UNC13B: variants seen among roughly 807,000 people sequenced by gnomAD.
UNC13B encodes the protein protein unc-13 homolog B.
UNC13B carries 144 observed loss-of-function variants against 211.0 expected under a neutral mutation model. That is an observed-to-expected ratio of 0.68 (90% CI 0.60 to 0.78). UNC13B has a LOEUF of 0.78. Among genes scored for constraint, UNC13B ranks in the 30% least tolerant of loss-of-function variants. The probability of loss-of-function intolerance (pLI) is 0.00; values close to 1 mark genes in which losing one functional copy is unlikely to be tolerated. For synonymous variants in UNC13B, 709 were observed against 725.8 expected, an observed-to-expected ratio of 0.98 and a Z score of 0.37; for missense variants, 1,777 against 2,002.0, an observed-to-expected ratio of 0.89 and a Z score of 2.14.
At chr9:35,224,614 G>A (rs951961943) in intron 1 of UNC13B, among the ~76,000 whole-genome samples, 2 of 152,092 alleles carry the variant, frequency 1.3e-5, no homozygotes, top group African/African-American at 4.8e-5. Flanking sequence ...CAGTGTGGTT[G>A]CCTTGGATTT....
intron 11 of UNC13B, among the ~76,000 whole-genome samples, chr9:35,339,062 T>C (rs1831830849): frequency 6.6e-6 from 1 of 152,210 alleles, no homozygotes; most frequent in Admixed American, 6.5e-5. Flanking sequence ...CCCACAACTC[T>C]GCGTGAGTGT....
intron 12 of UNC13B, among the ~76,000 whole-genome samples, chr9:35,368,811 G>GT (rs1274757152): frequency 6.8e-6 from 1 of 146,618 alleles, no homozygotes; most frequent in African/African-American, 2.5e-5. Flanking sequence ...GATCATTTAT[G>GT]TTTAAAAAAA....
chr9:35,249,016 T>TGGG (rs1826284933), intron 6 of UNC13B, among the ~76,000 whole-genome samples: 1 of 152,240 alleles, frequency 6.6e-6, no homozygotes, highest in Non-Finnish European at 1.5e-5. Flanking sequence ...CTCTAAGGAC[T>TGGG]TGCTTTATGA....
chr9:35,292,702 A>C (rs1829156788), intron 7 of UNC13B, among the ~76,000 whole-genome samples: 2 of 152,182 alleles, frequency 1.3e-5, no homozygotes, highest in Middle Eastern at 3.2e-3. Flanking sequence ...TTAGCTTTGG[A>C]TATGTAGGCA....
intron 6 of UNC13B, among the ~76,000 whole-genome samples, chr9:35,250,138 A>G (rs2131586845): frequency 6.6e-6 from 1 of 152,066 alleles, no homozygotes; most frequent in Non-Finnish European, 1.5e-5. Context: ...TCTTTCTTCC[A>G]CTGTGCTGTT....
intron 8 of UNC13B, among the ~76,000 whole-genome samples, chr9:35,299,148 C>T (rs1282854963): frequency 6.6e-6 from 1 of 152,148 alleles, no homozygotes. Flanking sequence ...AGGAGAATTG[C>T]TTGAACCCAG....
chr9:35,211,543 C>T (rs190534723), intron 1 of UNC13B, among the ~76,000 whole-genome samples: 1 of 152,206 alleles, frequency 6.6e-6, no homozygotes, highest in Admixed American at 6.5e-5. Flanking sequence ...TTACTATTGC[C>T]AAATAGATTA....
At chr9:35,320,731 G>A (rs546793843) in intron 11 of UNC13B, among the ~76,000 whole-genome samples, 1 of 152,226 alleles carries the variant, frequency 6.6e-6, no homozygotes, top group South Asian at 2.1e-4. Flanking sequence ...ATGTAATGGA[G>A]TTACTTGTTT....
chr9:35,242,002 C>A (rs1208109425), intron 5 of UNC13B, among the ~76,000 whole-genome samples: 1 of 152,148 alleles, frequency 6.6e-6, no homozygotes, highest in Non-Finnish European at 1.5e-5. Flanking sequence ...GAAAGTGTAT[C>A]TGTTGAAATG....
intron 37 of UNC13B, among the ~76,000 whole-genome samples, chr9:35,402,599 A>C (rs905971017): frequency 2.0e-5 from 3 of 152,016 alleles, no homozygotes; most frequent in Non-Finnish European, 4.4e-5. Flanking sequence ...TTCTTAAAAT[A>C]GGGTGGGGTC....
rs147401851 is a variant in UNC13B at position 35,215,980 on chromosome 9, A to G, written c.23-12035A>G. Among the ~76,000 whole-genome samples the G allele has an allele frequency of 1.2e-4, 19 of 152,346 alleles. No homozygotes were observed. In the East Asian group the frequency reaches 3.3e-3, roughly 26 times the overall value. ...ATTTTCAAGCCTAAATAAAGGACCA[A>G]AAGTCCTAAAGACATTGTTAAAATG... On this transcript the variant is annotated intron_variant, in intron 1 of 39. Coordinates refer to ENST00000635942, the MANE Select transcript of UNC13B (RefSeq NM_001371189.2).
chr9:35,301,244 A>G lies in UNC13B; in HGVS notation c.1840A>G (p.Arg614Gly), dbSNP rs909920639. The G allele has an allele frequency of 2.5e-6, 1 of 398,832 alleles. No individual in the cohort carries two copies. The allele number at this position is 398,832 out of a possible 1,614,324, so 24.7% of individuals were successfully genotyped here. Residue 614 changes from arginine to glycine, a missense_variant, in exon 9 of 40, where the codon AGA becomes GGA. Coordinates refer to ENST00000635942, the MANE Select transcript of UNC13B (RefSeq NM_001371189.2). The part of the protein sequence containing the change: ...KDDNVNIDRH[R>G]KTSENEHMGN... ...TGATAATGTGAATATAGACAGACAT[A>G]GAAAAACCTCTGAAAATGAGCACAT... is the stretch of plus-strand genomic sequence containing the variant.
chr9:35,307,445 G>C lies in UNC13B; in HGVS notation c.8041G>C (p.Ala2681Pro). 2 of 399,142 alleles carry C rather than the reference G, an allele frequency of 5.0e-6. No individual in the cohort carries two copies. The highest frequency in any genetic ancestry group is 8.8e-6 in the Non-Finnish European group (2 of 226,230). 24.7% of individuals were successfully genotyped at this position (399,142 alleles called of 1,614,324 possible). ...ACCTCTTCCTCTTGAGCCAGAGCCA[G>C]CTATTCAAACTGCCTCCACAAACCA... ...QPPLPLEPEP[A>P]IQTASTNQDL... The change falls in exon 9 of 40, where the codon GCT becomes CCT. Residue 2681 changes from alanine to proline, a missense_variant. Ala to Pro is a conservative substitution (Grantham distance 27, BLOSUM62 -1). Coordinates refer to ENST00000635942, the MANE Select transcript of UNC13B (RefSeq NM_001371189.2).
chr9:35,352,999 C>T, intron 11 of UNC13B: 1 of 1,232,150 alleles, frequency 8.1e-7, no homozygotes, highest in Non-Finnish European at 1.0e-6. Flanking sequence ...AGGACAAGCT[C>T]CTGGGCTGCG....
At chr9:35,324,704 C>T (rs1830915426) in intron 11 of UNC13B, among the ~76,000 whole-genome samples, 1 of 152,222 alleles carries the variant, frequency 6.6e-6, no homozygotes, top group Admixed American at 6.5e-5. Flanking sequence ...CCTCTTTGAT[C>T]TGTCTTCAGT....
intron 1 of UNC13B, among the ~76,000 whole-genome samples, chr9:35,189,996 G>A (rs1044010701): frequency 2.6e-5 from 4 of 152,150 alleles, no homozygotes; most frequent in South Asian, 2.1e-4. Context: ...TGGATTACTC[G>A]TTTCAGGATG....
At chr9:35,399,835 C>T (rs1836170560) in intron 36 of UNC13B, 106 bp downstream of exon 36, 1 of 1,100,838 alleles carries the variant, frequency 9.1e-7, no homozygotes, top group Non-Finnish European at 1.4e-6. Flanking sequence ...CACTCCACAT[C>T]CAGAAGAGAG....
At chr9:35,298,648 C>A (rs879621952) in intron 8 of UNC13B, among the ~76,000 whole-genome samples, 1 of 152,136 alleles carries the variant, frequency 6.6e-6, no homozygotes, top group South Asian at 2.1e-4. Context: ...GACTAAGTGT[C>A]TGCTTTGATC....
intron 1 of UNC13B, among the ~76,000 whole-genome samples, chr9:35,162,755 A>G (rs1820848120): frequency 6.6e-6 from 1 of 152,028 alleles, no homozygotes; most frequent in South Asian, 2.1e-4. Context: ...CATCCCTTCT[A>G]TTGCTTGTCT....
Sources: allele counts gnomAD v4.1 joint callset (sites outside exome capture counted in the v4.1 genomes callset), GRCh38; gene constraint gnomAD v4.1.1; transcripts MANE v1.5; gene names NCBI Gene and HGNC (gene_info 2026-07-23, HGNC 2026-07-21).